Variants in AFF1 observed in about 807,000 individuals in gnomAD.
AFF1 encodes the protein AF4/FMR2 family member 1.
In AFF1, 48 loss-of-function variants were observed where a neutral mutation model predicts 121.7. The observed-to-expected ratio is 0.39, with a 90% CI of 0.31 to 0.50. The LOEUF (loss-of-function observed/expected upper bound fraction) is 0.50, where lower values mean the gene tolerates loss of function less well. AFF1 is among the 20% of genes least tolerant of loss of function. AFF1 has a pLI of 0.76. For missense variants in AFF1, 1,523 were observed against 1,511.7 expected (o/e 1.01, Z -0.12); for synonymous variants, 613 against 563.0 (o/e 1.09, Z -1.26).
chr4:87,018,599 T>C (rs1466873027), intron 2 of AFF1, among the ~76,000 whole-genome samples: 1 of 152,246 alleles, frequency 6.6e-6, no homozygotes, highest in East Asian at 1.9e-4. Flanking sequence ...CACTGCAACC[T>C]CCAAGGATGG....
At chr4:87,048,670 A>G (rs1730965195) in intron 4 of AFF1, among the ~76,000 whole-genome samples, 1 of 152,180 alleles carries the variant, frequency 6.6e-6, no homozygotes, top group African/African-American at 2.4e-5. Flanking sequence ...ATCTTCCAGG[A>G]GGACAACTTG....
intron 2 of AFF1, among the ~76,000 whole-genome samples, chr4:87,025,656 G>C (rs1037570540): frequency 2.6e-5 from 4 of 152,114 alleles, no homozygotes; most frequent in Admixed American, 2.6e-4. Flanking sequence ...GCCTGGGAGG[G>C]GGGTGTGCTA....
chr4:87,123,629 G>A (rs887159041), intron 12 of AFF1, among the ~76,000 whole-genome samples: 1 of 152,216 alleles, frequency 6.6e-6, no homozygotes, highest in Non-Finnish European at 1.5e-5. Flanking sequence ...AGGGCTGGAT[G>A]GATGTGCAGA....
intron 1 of AFF1, among the ~76,000 whole-genome samples, chr4:86,936,968 G>C (rs2149436299): frequency 6.6e-6 from 1 of 152,292 alleles, no homozygotes; most frequent in African/African-American, 2.4e-5. Context: ...AAATAATTTG[G>C]GATAGATTTG....
At chr4:86,958,311 A>G (rs1176933249) in intron 2 of AFF1, among the ~76,000 whole-genome samples, 1 of 151,722 alleles carries the variant, frequency 6.6e-6, no homozygotes. Flanking sequence ...GGCTGGTCTC[A>G]AACTCCTGAC....
rs115323426 is a variant in AFF1 at position 87,034,941 on chromosome 4, C to A, written c.39-11225C>A. 3.9e-5 allele frequency among the ~76,000 whole-genome samples: 6 copies of A among 152,238 alleles called. No individual in the cohort carries two copies. The South Asian group carries it at 1.2e-3, about 32-fold the overall frequency. On this transcript the variant is annotated intron_variant, in intron 2 of 20. Coordinates refer to ENST00000395146, the MANE Select transcript of AFF1 (RefSeq NM_001166693.3). ...TGTATTAAGCATCGCATTTATTAAG[C>A]GCTGTGCTGGGTAAGGAACCCTCGG...
intron 2 of AFF1, among the ~76,000 whole-genome samples, chr4:87,013,666 C>CTTTTTTTTTTT (rs11322791): frequency 7.4e-6 from 1 of 135,368 alleles, no homozygotes; most frequent in African/African-American, 2.7e-5. Flanking sequence ...AAGATCTTAC[C>CTTTTTTTTTTT]TTTTTTTTTT....
intron 2 of AFF1, among the ~76,000 whole-genome samples, chr4:86,957,270 G>A (rs1578845615): frequency 6.6e-6 from 1 of 152,036 alleles, no homozygotes; most frequent in Admixed American, 6.6e-5. Context: ...CTTTCTGGAG[G>A]CCTTCCATTA....
intron 4 of AFF1, among the ~76,000 whole-genome samples, chr4:87,048,322 C>T (rs891614096): frequency 3.3e-5 from 5 of 151,892 alleles, no homozygotes; most frequent in African/African-American, 1.2e-4. Context: ...CTTTTTAAAA[C>T]CAAGAAAAAA....
chr4:86,977,177 A>T (rs1292380576), intron 2 of AFF1, among the ~76,000 whole-genome samples: 1 of 148,444 alleles, frequency 6.7e-6, no homozygotes, highest in Non-Finnish European at 1.5e-5. Flanking sequence ...CTGAAGTCAC[A>T]GATAGTACTG....
rs147500583 is a variant in AFF1, at chr4:86,984,574, C to T, written c.38+36003C>T. ...CTGAGCTCAGGCAGTCCGCCCGCCT[C>T]GGCCTCCCAAAGTGCTAGGATTACA... is the stretch of plus-strand genomic sequence containing the variant. On this transcript the variant is annotated intron_variant, in intron 2 of 20. Coordinates refer to ENST00000395146, the MANE Select transcript of AFF1 (RefSeq NM_001166693.3). 3.7e-3 allele frequency among the ~76,000 whole-genome samples: 568 copies of T among 152,198 alleles called. 1 individual carries two copies. The highest frequency in any genetic ancestry group is 0.012 in the African/African-American group (499 of 41,532).
intron 4 of AFF1, among the ~76,000 whole-genome samples, chr4:87,049,102 G>T (rs898929643): frequency 6.8e-6 from 1 of 147,184 alleles, no homozygotes; most frequent in African/African-American, 2.5e-5. Context: ...AAAAGGGGGG[G>T]GGGGGACAAC....
intron 2 of AFF1, among the ~76,000 whole-genome samples, chr4:86,950,837 C>T (rs142239429): frequency 8.4e-4 from 128 of 152,286 alleles, no homozygotes; most frequent in African/African-American, 2.8e-3. Context: ...TTTACACATA[C>T]GTTTTACATT....
chr4:86,989,557 A>C (rs1195556776), intron 2 of AFF1, among the ~76,000 whole-genome samples: 1 of 152,216 alleles, frequency 6.6e-6, no homozygotes, highest in African/African-American at 2.4e-5. Context: ...AGAAATAGGA[A>C]AGCTTTTACA....
At chr4:86,960,650 T>G (rs1031163938) in intron 2 of AFF1, among the ~76,000 whole-genome samples, 1 of 152,218 alleles carries the variant, frequency 6.6e-6, no homozygotes, top group African/African-American at 2.4e-5. Flanking sequence ...GCAATGCTAC[T>G]AAAAATAGTA....
chr4:87,095,361 C>T (rs935385439), intron 8 of AFF1, among the ~76,000 whole-genome samples: 4 of 152,184 alleles, frequency 2.6e-5, no homozygotes, highest in Non-Finnish European at 4.4e-5. Flanking sequence ...TCAAGTGATC[C>T]GCCTGCCTCA....
intron 2 of AFF1, among the ~76,000 whole-genome samples, chr4:87,010,944 T>C (rs1726678364): frequency 6.6e-6 from 1 of 151,632 alleles, no homozygotes. Context: ...CCGGGTGCGG[T>C]GGCGGGCGCC....
At chr4:87,094,843 T>TA in intron 7 of AFF1, 72 bp from the exon 8 acceptor site, 2 of 1,487,252 alleles carry the variant, frequency 1.3e-6, no homozygotes, top group Non-Finnish European at 1.9e-6. Flanking sequence ...GGGACCGACA[T>TA]AAAAGAACTC....
intron 2 of AFF1, among the ~76,000 whole-genome samples, chr4:86,958,613 G>A (rs1721926112): frequency 6.6e-6 from 1 of 152,064 alleles, no homozygotes; most frequent in Non-Finnish European, 1.5e-5. Flanking sequence ...AGCTACTCGG[G>A]AGGCTGAGGC....
Sources: gnomAD v4.1 joint callset for allele counts (sites outside exome capture counted in the v4.1 genomes callset) on GRCh38, gnomAD v4.1.1 for gene constraint, MANE v1.5 for transcripts, NCBI Gene and HGNC (gene_info 2026-07-23, HGNC 2026-07-21) for gene names.